DPP6: variants seen among roughly 807,000 people sequenced by gnomAD.
DPP6 encodes dipeptidyl peptidase like 6.
In DPP6, 69 loss-of-function variants were observed where a neutral mutation model predicts 122.6. The ratio of observed to expected loss-of-function variants is 0.56; its 90% CI spans 0.46 to 0.69. The LOEUF (loss-of-function observed/expected upper bound fraction) is 0.69, where lower values mean the gene tolerates loss of function less well. DPP6 is among the 30% of genes least tolerant of loss of function. DPP6 has a pLI of 0.00. For missense variants in DPP6, 928 were observed against 1,116.9 expected (o/e 0.83, Z 2.41); for synonymous variants, 418 against 433.1 (o/e 0.97, Z 0.43).
chr7:153,889,660 AT>A (rs1799101981), intron 1 of DPP6, among the ~76,000 whole-genome samples: 1 of 152,122 alleles, frequency 6.6e-6, no homozygotes, highest in Non-Finnish European at 1.5e-5. Context: ...TGCTAATTAC[AT>A]TTCTCTCTTC....
intron 1 of DPP6, among the ~76,000 whole-genome samples, chr7:154,195,778 T>G (rs2150774511): frequency 6.6e-6 from 1 of 151,930 alleles, no homozygotes. Flanking sequence ...CTTTGAAAAT[T>G]TCCTAGGAAC....
At chr7:154,526,082 A>G (rs2130040250) in intron 3 of DPP6, among the ~76,000 whole-genome samples, 1 of 152,316 alleles carries the variant, frequency 6.6e-6, no homozygotes, top group East Asian at 1.9e-4. Context: ...TAATCCATTG[A>G]TTCTGATGAC....
chr7:153,766,518 T>G, the DPP6 span, among the ~76,000 whole-genome samples: 1 of 152,214 alleles, frequency 6.6e-6, no homozygotes, highest in African/African-American at 2.4e-5. Context: ...ACCTTGCCAT[T>G]AAACATGCTC....
chr7:154,096,979 G>A (rs1805365641), intron 1 of DPP6, among the ~76,000 whole-genome samples: 1 of 152,252 alleles, frequency 6.6e-6, no homozygotes. Flanking sequence ...AAGACCCACG[G>A]TTTTGTTGGG....
chr7:154,035,931 C>T (rs1023328512), intron 1 of DPP6, among the ~76,000 whole-genome samples: 69 of 151,900 alleles, frequency 4.5e-4, no homozygotes, highest in Non-Finnish European at 8.1e-4. Flanking sequence ...GACTGCCTTC[C>T]GAATGTGAAC....
intron 1 of DPP6, among the ~76,000 whole-genome samples, chr7:154,421,511 A>G (rs1337501597): frequency 6.6e-6 from 1 of 151,978 alleles, no homozygotes; most frequent in African/African-American, 2.4e-5. Context: ...TTTAGTAGAG[A>G]CAGGGTTTCA....
At chr7:153,955,704 G>A (rs1439040198) in intron 1 of DPP6, among the ~76,000 whole-genome samples, 1 of 152,174 alleles carries the variant, frequency 6.6e-6, no homozygotes, top group Non-Finnish European at 1.5e-5. Context: ...CTCCAAAAGT[G>A]CTGGGATTAC....
At chr7:154,645,308 G>A (rs930269889) in intron 6 of DPP6, among the ~76,000 whole-genome samples, 41 of 151,866 alleles carry the variant, frequency 2.7e-4, no homozygotes, top group African/African-American at 9.9e-4. Flanking sequence ...CTCGTGACCC[G>A]CCCGCCTCGG....
chr7:154,862,935 G>A (rs997531610), intron 17 of DPP6, among the ~76,000 whole-genome samples: 2 of 152,234 alleles, frequency 1.3e-5, no homozygotes, highest in African/African-American at 4.8e-5. Flanking sequence ...GGGTGCTGTG[G>A]CTCACACCTG....
At chr7:154,398,417 G>A (rs1815278981) in intron 1 of DPP6, among the ~76,000 whole-genome samples, 1 of 152,138 alleles carries the variant, frequency 6.6e-6, no homozygotes, top group African/African-American at 2.4e-5. Flanking sequence ...TTCATTTGTA[G>A]GTTGTATGCA....
At chr7:154,536,828 T>C (rs1305551706) in intron 3 of DPP6, among the ~76,000 whole-genome samples, 1 of 152,194 alleles carries the variant, frequency 6.6e-6, no homozygotes. Flanking sequence ...TCACATCTTA[T>C]AGAGCGAATA....
intron 3 of DPP6, among the ~76,000 whole-genome samples, chr7:154,482,472 A>G (rs1823392477): frequency 1.3e-5 from 2 of 152,246 alleles, no homozygotes; most frequent in South Asian, 4.1e-4. Context: ...ACAGTAAATT[A>G]GAAATCAGAG....
In DPP6 at chr7:154,027,908, G is replaced by A. The variant is rs2533804; in HGVS notation, c.51+140174G>A. On this transcript the variant is annotated intron_variant, in intron 1 of 25. Coordinates refer to the DPP6 transcript ENST00000404039. ...ACAGCATGAGCCCAAATGTTTTTCC[G>A]TAGTTCATCCTGGATCCCGGAAACA... is the stretch of plus-strand genomic sequence containing the variant. Among the ~76,000 whole-genome samples the A allele has an allele frequency of 8.9e-4, 134 of 151,318 alleles. 3 individuals carry two copies. Among genetic ancestry groups the A allele is most frequent in the South Asian group, 1.7e-3 (8 of 4,774 alleles).
At chr7:153,752,277 G>A in the DPP6 span, among the ~76,000 whole-genome samples, 8 of 145,850 alleles carry the variant, frequency 5.5e-5, no homozygotes, top group East Asian at 1.7e-3. Flanking sequence ...TTGAGACCGA[G>A]TCTCGCTCTG....
chr7:154,231,172 G>T (rs979096429), intron 1 of DPP6, among the ~76,000 whole-genome samples: 1 of 152,272 alleles, frequency 6.6e-6, no homozygotes, highest in East Asian at 1.9e-4. Flanking sequence ...TCAAGATCTT[G>T]GGATCACAGG....
At chr7:154,791,646 T>G (rs1797688661) in intron 10 of DPP6, among the ~76,000 whole-genome samples, 1 of 152,240 alleles carries the variant, frequency 6.6e-6, no homozygotes. Context: ...TGGTGGCTAC[T>G]TCTAGAAAAT....
intron 1 of DPP6, among the ~76,000 whole-genome samples, chr7:154,150,931 A>G (rs950635801): frequency 2.0e-5 from 3 of 152,144 alleles, no homozygotes; most frequent in Non-Finnish European, 1.5e-5. Flanking sequence ...GAGGCTGGCA[A>G]GGTCGCCTGT....
intron 6 of DPP6, 48 bp from the exon 7 acceptor site, chr7:154,669,312 T>C: frequency 6.4e-7 from 1 of 1,551,570 alleles, no homozygotes; most frequent in Middle Eastern, 1.7e-4. Flanking sequence ...CTTAAATTCT[T>C]GGTTCCCAAC....
chr7:154,583,824 A>G (rs1226071377), intron 5 of DPP6, among the ~76,000 whole-genome samples: 2 of 152,132 alleles, frequency 1.3e-5, no homozygotes, highest in Admixed American at 1.3e-4. Flanking sequence ...GGGCCCTCAG[A>G]CACAGTGTGT....
Sources: allele counts gnomAD v4.1 joint callset (sites outside exome capture counted in the v4.1 genomes callset), GRCh38; gene constraint gnomAD v4.1.1; transcripts MANE v1.5; gene names NCBI Gene and HGNC (gene_info 2026-07-23, HGNC 2026-07-21).